Variants in CNTNAP2 observed in about 807,000 individuals in gnomAD.
CNTNAP2 encodes the protein contactin associated protein 2, also known as contactin-associated protein-like 2.
Under a neutral mutation model 155.2 loss-of-function variants are expected in CNTNAP2, and 98 were observed. The ratio of observed to expected loss-of-function variants is 0.63; its 90% CI spans 0.54 to 0.75. The LOEUF (loss-of-function observed/expected upper bound fraction) is 0.75. Ranked by LOEUF, CNTNAP2 falls within the 30% of genes least tolerant of loss-of-function variation. The pLI, the probability that CNTNAP2 is intolerant of heterozygous loss-of-function variation, is 0.00. For synonymous variants in CNTNAP2, 651 were observed against 631.2 expected, an observed-to-expected ratio of 1.03 and a Z score of -0.47; for missense variants, 1,727 against 1,688.1, an observed-to-expected ratio of 1.02 and a Z score of -0.40.
At chr7:146,319,891 A>G (rs771801083) in intron 1 of CNTNAP2, among the ~76,000 whole-genome samples, 1 of 152,140 alleles carries the variant, frequency 6.6e-6, no homozygotes, top group Non-Finnish European at 1.5e-5. Flanking sequence ...CAGTTCTGCT[A>G]CATGAAGGGA....
At chr7:147,894,825 T>A (rs1475594479) in intron 13 of CNTNAP2, among the ~76,000 whole-genome samples, 1 of 151,980 alleles carries the variant, frequency 6.6e-6, no homozygotes, top group African/African-American at 2.4e-5. Flanking sequence ...ATTTTGAAAA[T>A]CACAGGTATG....
intron 13 of CNTNAP2, among the ~76,000 whole-genome samples, chr7:147,642,745 T>A (rs916923646): frequency 6.6e-6 from 1 of 152,222 alleles, no homozygotes; most frequent in Non-Finnish European, 1.5e-5. Flanking sequence ...TTTCTAGACA[T>A]CTAGACACTG....
intron 17 of CNTNAP2, among the ~76,000 whole-genome samples, chr7:148,155,740 C>T (rs1182695045): frequency 1.3e-5 from 2 of 152,172 alleles, no homozygotes; most frequent in Non-Finnish European, 2.9e-5. Context: ...AGTAAGTGCT[C>T]TTAAAAAGTG....
intron 13 of CNTNAP2, among the ~76,000 whole-genome samples, chr7:147,642,479 A>C (rs899399489): frequency 6.6e-6 from 1 of 151,880 alleles, no homozygotes. Flanking sequence ...CCTCATTGAC[A>C]TTCCTTGTCT....
Position 146,774,342 on chromosome 7 carries a change from A to G in CNTNAP2, c.169A>G (p.Ser57Gly). Residue 57 changes from serine to glycine, a missense_variant, in exon 2 of 24, where the codon AGC (serine) becomes GGC (glycine). By Grantham distance (56) the Ser-to-Gly change is moderately conservative. Coordinates refer to ENST00000361727, the MANE Select transcript of CNTNAP2 (RefSeq NM_014141.6). ...CAGCAGCTCCTCCTCCATCTCTGGTAGCTATTCTCCCGGCTATGCCAAGAT... is the reference window on the plus strand; with the variant it reads ...CAGCAGCTCCTCCTCCATCTCTGGTGGCTATTCTCCCGGCTATGCCAAGAT... ...AFSSSSSISG[S>G]YSPGYAKINK... 6.2e-7 allele frequency: 1 copy of G among 1,614,022 alleles called. No individual in the cohort carries two copies. The highest frequency in any genetic ancestry group is 8.5e-7 in the Non-Finnish European group (1 of 1,179,966).
At chr7:148,097,466 GAT>G (rs1355731193) in intron 15 of CNTNAP2, among the ~76,000 whole-genome samples, 4 of 151,874 alleles carry the variant, frequency 2.6e-5, no homozygotes, top group Non-Finnish European at 5.9e-5. Flanking sequence ...TTTGTCACAT[GAT>G]ATCATTTTTA....
chr7:146,968,875 C>T (rs1434287439), intron 3 of CNTNAP2, among the ~76,000 whole-genome samples: 19 of 139,338 alleles, frequency 1.4e-4, no homozygotes, highest in African/African-American at 4.0e-4. Flanking sequence ...TTTGCTCTTG[C>T]TTTTCTAGTT....
At chr7:147,722,488 G>A (rs758463422) in intron 13 of CNTNAP2, among the ~76,000 whole-genome samples, 12 of 151,964 alleles carry the variant, frequency 7.9e-5, no homozygotes, top group Admixed American at 3.9e-4. Context: ...TAGTGTATCC[G>A]GCAGTTTGCA....
At chr7:147,542,340 G>C (rs1015782036) in intron 11 of CNTNAP2, among the ~76,000 whole-genome samples, 6 of 151,390 alleles carry the variant, frequency 4.0e-5, no homozygotes, top group Non-Finnish European at 8.8e-5. Flanking sequence ...AAATAAGAAA[G>C]TAAGAGTTTG....
chr7:146,192,644 TG>T (rs1253496060), intron 1 of CNTNAP2, among the ~76,000 whole-genome samples: 2 of 152,114 alleles, frequency 1.3e-5, no homozygotes, highest in African/African-American at 4.8e-5. Flanking sequence ...ATCCCTCCCA[TG>T]ACGTGGGAAT....
At chr7:147,048,167 C>A (rs531413982) in intron 4 of CNTNAP2, among the ~76,000 whole-genome samples, 1 of 150,150 alleles carries the variant, frequency 6.7e-6, no homozygotes, top group Non-Finnish European at 1.5e-5. Context: ...CTCTGCCTCC[C>A]GGGTTCACGC....
chr7:148,296,708 C>A (rs957430768), intron 21 of CNTNAP2, among the ~76,000 whole-genome samples: 1 of 152,260 alleles, frequency 6.6e-6, no homozygotes, highest in South Asian at 2.1e-4. Context: ...TCCTCCCACA[C>A]GATGGTGCCC....
intron 1 of CNTNAP2, among the ~76,000 whole-genome samples, chr7:146,142,638 A>AACTT (rs1190714496): frequency 6.6e-6 from 1 of 152,204 alleles, no homozygotes; most frequent in African/African-American, 2.4e-5. Flanking sequence ...GCAGAAAACA[A>AACTT]ACCTTAGAAA....
intron 16 of CNTNAP2, among the ~76,000 whole-genome samples, chr7:148,137,337 C>A (rs192766002): frequency 3.3e-5 from 5 of 152,302 alleles, no homozygotes; most frequent in African/African-American, 1.2e-4. Flanking sequence ...TTATAGAAGT[C>A]TTTCACACTT....
At chr7:146,502,142 A>G (rs1797309440) in intron 1 of CNTNAP2, among the ~76,000 whole-genome samples, 1 of 149,448 alleles carries the variant, frequency 6.7e-6, no homozygotes, top group Non-Finnish European at 1.5e-5. Flanking sequence ...CATAATGTCT[A>G]TTTCCATCCA....
At chr7:147,541,223 G>A (rs975371944) in intron 11 of CNTNAP2, among the ~76,000 whole-genome samples, 15 of 152,156 alleles carry the variant, frequency 9.9e-5, no homozygotes, top group Admixed American at 6.5e-4. Flanking sequence ...TTGACTCTTA[G>A]TATAATGCAG....
intron 8 of CNTNAP2, among the ~76,000 whole-genome samples, chr7:147,213,718 C>T (rs987535069): frequency 3.3e-5 from 5 of 152,116 alleles, no homozygotes; most frequent in Admixed American, 6.6e-5. Flanking sequence ...AGGTTGTCTG[C>T]AGGCTGGAAA....
chr7:147,652,420 C>T (rs1795462764), intron 13 of CNTNAP2, among the ~76,000 whole-genome samples: 1 of 152,028 alleles, frequency 6.6e-6, no homozygotes, highest in South Asian at 2.1e-4. Flanking sequence ...ATAACTAATG[C>T]TTAATAATTA....
At chr7:147,972,061 T>C (rs1801342708) in intron 14 of CNTNAP2, among the ~76,000 whole-genome samples, 2 of 152,216 alleles carry the variant, frequency 1.3e-5, no homozygotes, top group African/African-American at 4.8e-5. Context: ...TAGTGTGAAG[T>C]AGCATCTCAA....
Sources: allele counts gnomAD v4.1 joint callset (sites outside exome capture counted in the v4.1 genomes callset), GRCh38; gene constraint gnomAD v4.1.1; transcripts MANE v1.5; gene names NCBI Gene and HGNC (gene_info 2026-07-23, HGNC 2026-07-21).